Variants in CRISPLD2 observed in about 807,000 individuals in gnomAD.
CRISPLD2 encodes cysteine rich secretory protein LCCL domain containing 2.
Under a neutral mutation model 71.1 loss-of-function variants are expected in CRISPLD2, and 47 were observed. The ratio of observed to expected loss-of-function variants is 0.66; its 90% confidence interval spans 0.52 to 0.84. The LOEUF (loss-of-function observed/expected upper bound fraction) is 0.84. CRISPLD2 is among the 40% of genes least tolerant of loss of function. The pLI, the probability that CRISPLD2 is intolerant of heterozygous loss-of-function variation, is 0.00. For synonymous variants in CRISPLD2, 317 were observed against 250.1 expected (o/e 1.27, Z -2.52); for missense variants, 830 against 651.1 (o/e 1.27, Z -2.99).
chr16:84,847,650 CAA>C (rs146057638), intron 3 of CRISPLD2, among the ~76,000 whole-genome samples: 4 of 130,708 alleles, frequency 3.1e-5, no homozygotes, highest in African/African-American at 8.1e-5. Flanking sequence ...GAATTCGTCT[CAA>C]AAAAAAAAAA....
chr16:84,850,292 T>C (rs1567687193), intron 4 of CRISPLD2, among the ~76,000 whole-genome samples: 1 of 152,092 alleles, frequency 6.6e-6, no homozygotes, highest in Non-Finnish European at 1.5e-5. Context: ...GGTTTCACCA[T>C]GTTGGTCAGG....
chr16:84,900,722 G>C (rs546016076), intron 14 of CRISPLD2, among the ~76,000 whole-genome samples: 1 of 152,146 alleles, frequency 6.6e-6, no homozygotes, highest in South Asian at 2.1e-4. Context: ...AAAGCAAAAA[G>C]TCCCATGGAC....
chr16:84,887,043 G>A (rs538528247), intron 13 of CRISPLD2, among the ~76,000 whole-genome samples: 1 of 152,114 alleles, frequency 6.6e-6, no homozygotes, highest in African/African-American at 2.4e-5. Flanking sequence ...TCCTATAAAT[G>A]AAATCATCCC....
At chr16:84,877,832 G>A (rs1448604842) in intron 12 of CRISPLD2, among the ~76,000 whole-genome samples, 8 of 150,556 alleles carry the variant, frequency 5.3e-5, no homozygotes, top group East Asian at 4.0e-4. Context: ...CCTGGGTGAC[G>A]AGTGAAACTG....
At chr16:84,828,140 A>G (rs776142574) in intron 1 of CRISPLD2, 2 of 152,318 alleles carry the variant, frequency 1.3e-5, no homozygotes, top group South Asian at 2.1e-4. Flanking sequence ...CTCTCGACTC[A>G]TCTTCGCGGA....
At chr16:84,864,286 C>G (rs966115954) in intron 6 of CRISPLD2, among the ~76,000 whole-genome samples, 31 of 152,214 alleles carry the variant, frequency 2.0e-4, no homozygotes, top group African/African-American at 6.0e-4. Context: ...AAGCCTTCTA[C>G]TTTTCATTTG....
At position 84,900,293 on chromosome 16, in the gene CRISPLD2, G is replaced by T. The variant is rs11859872; in HGVS notation, c.1440-6295G>T. On this transcript the variant is annotated intron_variant, in intron 14 of 14. Transcript: ENST00000262424. Reference sequence around the variant, plus strand: ...GAATTCCAAGCGGCCTGCTCTCGGAGGATTGCAGATCTTAGCAGCCTGAGA... The same window carrying T: ...GAATTCCAAGCGGCCTGCTCTCGGATGATTGCAGATCTTAGCAGCCTGAGA... 4.9e-3 allele frequency among the ~76,000 whole-genome samples: 741 copies of T among 152,244 alleles called. 6 individuals carry two copies. Among genetic ancestry groups the T allele is most frequent in the African/African-American group, 0.017 (708 of 41,538 alleles).
chr16:84,876,408 A>C (rs2071518666), intron 11 of CRISPLD2, among the ~76,000 whole-genome samples: 1 of 152,048 alleles, frequency 6.6e-6, no homozygotes, highest in Non-Finnish European at 1.5e-5. Context: ...AGGTTGAGGC[A>C]GGAGAATTGC....
In CRISPLD2 at chr16:84,866,924, C is replaced by T. The variant is rs1040279851; in HGVS notation, c.737C>T (p.Thr246Met). 15 of 1,613,976 alleles carry T rather than the reference C, an allele frequency of 9.3e-6. No homozygotes were observed. Among genetic ancestry groups the T allele is most frequent in the Admixed American group, 3.3e-5 (2 of 60,006 alleles). The change falls in exon 7 of 15, where the codon ACG (threonine) becomes ATG (methionine). Residue 246 changes from threonine (T) to methionine (M), a missense_variant. By Grantham distance (81) the Thr-to-Met change is moderately conservative. Coordinates refer to ENST00000262424, the MANE Select transcript of CRISPLD2 (RefSeq NM_031476.4). ...GAAACCTACACTCCAAAACCTGAAA[C>T]GGACGAGATGAATGAGGTGGAAACG... Reference protein sequence around the residue: ...REETYTPKPETDEMNEVETAP... With the variant: ...REETYTPKPEMDEMNEVETAP...
At chr16:84,839,375 C>T (rs549808845) in intron 2 of CRISPLD2, 1 of 207,096 alleles carries the variant, frequency 4.8e-6, no homozygotes. Context: ...CTGTGCCACA[C>T]GCTAGCTGCA....
At chr16:84,875,233 C>G (rs1157147530) in intron 11 of CRISPLD2, among the ~76,000 whole-genome samples, 1 of 149,054 alleles carries the variant, frequency 6.7e-6, no homozygotes, top group Non-Finnish European at 1.5e-5. Flanking sequence ...AGAGCAAGAC[C>G]CTGTCTCAAA....
At chr16:84,850,348 C>T (rs1917050774) in intron 4 of CRISPLD2, among the ~76,000 whole-genome samples, 1 of 152,140 alleles carries the variant, frequency 6.6e-6, no homozygotes, top group Non-Finnish European at 1.5e-5. Flanking sequence ...CTCAGCCTCC[C>T]AAAATGCTGA....
chr16:84,833,396 T>C (rs8051428), intron 1 of CRISPLD2, among the ~76,000 whole-genome samples: 55,905 of 152,096 alleles, frequency 0.37, 10,642 homozygotes, highest in African/African-American at 0.46. Flanking sequence ...CAAAATCTTC[T>C]AGAGAGCATT....
chr16:84,838,337 T>A (rs1440112136), intron 1 of CRISPLD2, 85 bp from the exon 2 acceptor site: 2 of 810,624 alleles, frequency 2.5e-6, no homozygotes, highest in Admixed American at 2.3e-5. Flanking sequence ...GAGAGAGTCG[T>A]GTGTGCTGCG....
intron 1 of CRISPLD2, among the ~76,000 whole-genome samples, chr16:84,824,243 A>G (rs145520582): frequency 4.3e-4 from 66 of 152,284 alleles, no homozygotes; most frequent in Non-Finnish European, 4.7e-4. Flanking sequence ...CCTGTAGTCT[A>G]CGAGCCAGGC....
At chr16:84,901,228 A>G (rs892623688) in intron 14 of CRISPLD2, among the ~76,000 whole-genome samples, 7 of 152,298 alleles carry the variant, frequency 4.6e-5, no homozygotes, top group Non-Finnish European at 1.0e-4. Flanking sequence ...TGGTATGTCT[A>G]TGGCAGTATG....
intron 1 of CRISPLD2, among the ~76,000 whole-genome samples, chr16:84,825,265 C>T (rs1234050128): frequency 6.7e-6 from 1 of 149,472 alleles, no homozygotes; most frequent in South Asian, 2.1e-4. Flanking sequence ...AAGTGCTTCT[C>T]AGAGTGGGGG....
intron 8 of CRISPLD2, among the ~76,000 whole-genome samples, chr16:84,870,926 C>T (rs1280679067): frequency 6.6e-6 from 1 of 151,980 alleles, no homozygotes; most frequent in Non-Finnish European, 1.5e-5. Flanking sequence ...GACATGGTGG[C>T]ATATGCCTAT....
At chr16:84,902,929 C>A (rs1377812505) in intron 14 of CRISPLD2, among the ~76,000 whole-genome samples, 4 of 151,706 alleles carry the variant, frequency 2.6e-5, no homozygotes, top group Admixed American at 2.6e-4. Flanking sequence ...CCTGCCACCA[C>A]AGCCAGCTAA....
Sources: allele counts gnomAD v4.1 joint callset (sites outside exome capture counted in the v4.1 genomes callset), GRCh38; gene constraint gnomAD v4.1.1; transcripts MANE v1.5; gene names NCBI Gene and HGNC (gene_info 2026-07-23, HGNC 2026-07-21).